PLXNC1: variants seen among roughly 807,000 people sequenced by gnomAD.
PLXNC1 encodes the protein plexin C1.
In PLXNC1, 75 loss-of-function variants were observed where a neutral mutation model predicts 178.2. That is an observed-to-expected ratio of 0.42 (90% confidence interval 0.35 to 0.51). The LOEUF (loss-of-function observed/expected upper bound fraction) is 0.51. PLXNC1 is among the 20% of genes least tolerant of loss of function. The pLI is 0.02. For synonymous variants in PLXNC1, 790 were observed against 779.9 expected, an observed-to-expected ratio of 1.01 and a Z score of -0.22; for missense variants, 1,503 against 1,984.4, an observed-to-expected ratio of 0.76 and a Z score of 4.61.
At chr12:94,177,213 G>A (rs79330380) in intron 2 of PLXNC1, among the ~76,000 whole-genome samples, 52,201 of 91,898 alleles carry the variant, frequency 0.57, 11,671 homozygotes, top group South Asian at 0.69. Flanking sequence ...ATATATATAT[G>A]TGTGTGTATA....
chr12:94,227,724 C>T (rs552655936), intron 9 of PLXNC1, among the ~76,000 whole-genome samples: 3 of 152,248 alleles, frequency 2.0e-5, no homozygotes, highest in African/African-American at 7.2e-5. Flanking sequence ...GTATTTCTCT[C>T]GCCTTCTCAC....
intron 23 of PLXNC1, among the ~76,000 whole-genome samples, chr12:94,285,080 G>A (rs928346536): frequency 4.0e-5 from 6 of 150,734 alleles, no homozygotes; most frequent in Non-Finnish European, 5.9e-5. Context: ...GTGGATGGGA[G>A]GGATAGTAAG....
In PLXNC1 at chr12:94,275,669, C is replaced by T. The variant is rs562303193; in HGVS notation, c.3598-3803C>T. Among the ~76,000 whole-genome samples, 922 of 96,704 alleles carry T rather than the reference C, an allele frequency of 9.5e-3. 191 individuals carry two copies. The highest frequency in any genetic ancestry group is 0.033 in the African/African-American group (758 of 23,214). 63.4% of individuals were successfully genotyped at this position (96,704 alleles called of 152,430 possible). A position where few individuals can be genotyped will look rare whatever the true frequency, so the allele number is the denominator to read the frequency against. On this transcript the variant is annotated intron_variant, in intron 21 of 30. Transcript: ENST00000258526. ...GAGATCGAGACCATCCCGGCTAAAACGGTGAAACCCCGTCTCTACTAAAAA... is the reference window on the plus strand; with the variant it reads ...GAGATCGAGACCATCCCGGCTAAAATGGTGAAACCCCGTCTCTACTAAAAA...
At chr12:94,204,488 C>T (rs12425685) in intron 4 of PLXNC1, among the ~76,000 whole-genome samples, 111,536 of 152,098 alleles carry the variant, frequency 0.73, 41,078 homozygotes, top group East Asian at 0.91. Flanking sequence ...ATCATGTAGA[C>T]TGACTTTCAG....
intron 21 of PLXNC1, among the ~76,000 whole-genome samples, chr12:94,274,927 T>C (rs895083252): frequency 6.6e-6 from 1 of 152,240 alleles, no homozygotes; most frequent in African/African-American, 2.4e-5. Flanking sequence ...TTTAAAACAG[T>C]GTCTGGCACC....
At chr12:94,240,237 T>C (rs1485833355) in intron 10 of PLXNC1, among the ~76,000 whole-genome samples, 1 of 152,196 alleles carries the variant, frequency 6.6e-6, no homozygotes, top group Non-Finnish European at 1.5e-5. Flanking sequence ...TGGTTACACC[T>C]CCTTCCTTTC....
chr12:94,251,887 G>T (rs908697673), intron 15 of PLXNC1, among the ~76,000 whole-genome samples: 1 of 152,200 alleles, frequency 6.6e-6, no homozygotes, highest in South Asian at 2.1e-4. Context: ...AGCTACTCAG[G>T]AGACTGAGGT....
At chr12:94,205,449 T>A (rs1328522645) in intron 4 of PLXNC1, among the ~76,000 whole-genome samples, 1 of 152,236 alleles carries the variant, frequency 6.6e-6, no homozygotes, top group Non-Finnish European at 1.5e-5. Context: ...GTAGTAAAGT[T>A]ACATTATGGA....
chr12:94,209,532 G>A (rs1442861099), intron 4 of PLXNC1, 58 bp from the exon 5 acceptor site: 14 of 958,332 alleles, frequency 1.5e-5, no homozygotes, highest in Non-Finnish European at 2.2e-5. Context: ...CACGTATGGG[G>A]TCGCTGTTTT....
At chr12:94,227,738 C>G (rs1463348387) in intron 9 of PLXNC1, among the ~76,000 whole-genome samples, 1 of 152,128 alleles carries the variant, frequency 6.6e-6, no homozygotes, top group Non-Finnish European at 1.5e-5. Context: ...TTCTCACAAG[C>G]AGTTATTAAT....
chr12:94,171,923 C>T (rs1379358047), intron 2 of PLXNC1, among the ~76,000 whole-genome samples: 1 of 152,162 alleles, frequency 6.6e-6, no homozygotes. Flanking sequence ...CTCCCTAGGG[C>T]AGCTCAGTAA....
chr12:94,265,344 TTTAG>T, intron 21 of PLXNC1, 119 bp downstream of exon 21: 1 of 827,402 alleles, frequency 1.2e-6, no homozygotes, highest in Non-Finnish European at 1.9e-6. Flanking sequence ...GCCCTGTGTG[TTTAG>T]TTAATTAAAA....
chr12:94,215,760 T>C lies in PLXNC1; in HGVS notation c.1555-4256T>C, dbSNP rs139032884. Among the ~76,000 whole-genome samples the C allele has an allele frequency of 2.8e-3, 425 of 152,170 alleles. 1 individual carries two copies. The highest frequency in any genetic ancestry group is 4.0e-3 in the Non-Finnish European group (274 of 68,000). On this transcript the variant is annotated intron_variant, in intron 5 of 30. Transcript: ENST00000258526. ...TGTGTGAGATAACTGGCTTATACTA[T>C]GGAAACGTAATTTCATATTTTACAT... is the stretch of plus-strand genomic sequence containing the variant.
chr12:94,275,711 CG>C (rs1483302610), intron 21 of PLXNC1, among the ~76,000 whole-genome samples: 2 of 130,300 alleles, frequency 1.5e-5, no homozygotes, highest in Non-Finnish European at 3.2e-5. Context: ...AAAAATTAGC[CG>C]GGCGTAGTGG....
At chr12:94,254,364 C>T (rs765019216) in intron 15 of PLXNC1, 14 of 370,782 alleles carry the variant, frequency 3.8e-5, no homozygotes, top group African/African-American at 1.9e-4. Flanking sequence ...TTCCTTTCTA[C>T]GTTTGCAGCA....
At chr12:94,274,120 A>G (rs1965759970) in intron 21 of PLXNC1, among the ~76,000 whole-genome samples, 1 of 143,410 alleles carries the variant, frequency 7.0e-6, no homozygotes, top group Non-Finnish European at 1.5e-5. Flanking sequence ...CAGGAGTTCA[A>G]GACTAGCCTG....
rs1024943518 is a variant in PLXNC1 at position 94,260,286 on chromosome 12, G to T, written c.3252-356G>T. Among the ~76,000 whole-genome samples, 19 of 152,058 alleles carry T rather than the reference G, an allele frequency of 1.2e-4. No individual in the cohort carries two copies. The highest frequency in any genetic ancestry group is 2.2e-4 in the Non-Finnish European group (15 of 68,020). On this transcript the variant is annotated intron_variant, in intron 19 of 30. Coordinates refer to ENST00000258526, the MANE Select transcript of PLXNC1 (RefSeq NM_005761.3). The surrounding 1 kb of genome is among the most constrained non-coding windows in gnomAD (Gnocchi z 4.4). ...TTGCCCAGGCTGGTCTCAAACTCCT[G>T]ACCTCAGGTGATCTGCCTGCTTTAG...
chr12:94,175,422 C>T (rs1487541648), intron 2 of PLXNC1, among the ~76,000 whole-genome samples: 18 of 152,068 alleles, frequency 1.2e-4, no homozygotes, highest in Admixed American at 1.2e-3. Flanking sequence ...ATTTTTCTCC[C>T]CCCTCATTTT....
intron 23 of PLXNC1, among the ~76,000 whole-genome samples, chr12:94,287,445 C>T (rs560263899): frequency 2.6e-5 from 4 of 152,286 alleles, no homozygotes; most frequent in South Asian, 4.1e-4. Flanking sequence ...TCCTCTCACT[C>T]GCACCCTGCT....
Sources: allele counts gnomAD v4.1 joint callset (sites outside exome capture counted in the v4.1 genomes callset), GRCh38; gene constraint gnomAD v4.1.1; non-coding constraint Gnocchi (gnomAD v3.1); transcripts MANE v1.5; gene names NCBI Gene and HGNC (gene_info 2026-07-23, HGNC 2026-07-21).